The following SPEF2 variants were observed in gnomAD, a reference collection of about 807,000 sequenced individuals.
SPEF2 encodes sperm flagellar and cilia associated 2.
SPEF2 carries 187 observed loss-of-function variants against 224.6 expected under a neutral mutation model. That is an observed-to-expected ratio of 0.83 (90% CI 0.74 to 0.94). The LOEUF is 0.94. SPEF2 is among the 40% of genes least tolerant of loss of function. The pLI, the probability that SPEF2 is intolerant of heterozygous loss-of-function variation, is 0.00. For synonymous variants in SPEF2, 715 were observed against 707.3 expected (o/e 1.01, Z -0.17); for missense variants, 2,170 against 2,135.6 (o/e 1.02, Z -0.32).
chr5:35,770,858 T>C (rs2149781194), intron 26 of SPEF2, among the ~76,000 whole-genome samples: 1 of 151,004 alleles, frequency 6.6e-6, no homozygotes, highest in African/African-American at 2.5e-5. Context: ...AGGAGGCACT[T>C]GGTGGAATGG....
chr5:35,711,907 A>T (rs989677769), intron 19 of SPEF2, among the ~76,000 whole-genome samples: 3 of 152,186 alleles, frequency 2.0e-5, no homozygotes, highest in Non-Finnish European at 4.4e-5. Flanking sequence ...GGAGAAAACT[A>T]TAGCCCAGGA....
At chr5:35,646,604 A>G (rs1161936060) in intron 4 of SPEF2, 63 bp from the exon 5 acceptor site, 2 of 1,469,442 alleles carry the variant, frequency 1.4e-6, no homozygotes, top group Non-Finnish European at 1.9e-6. Flanking sequence ...TGTACCTATG[A>G]GTGTATTATA....
At position 35,787,787 on chromosome 5, in the gene SPEF2, A is replaced by G. The variant is rs180805611; in HGVS notation, c.4448-4553A>G. 1.9e-3 allele frequency: 986 copies of G among 528,068 alleles called. 5 individuals are homozygous for G. Among genetic ancestry groups the G allele is most frequent in the African/African-American group, 0.017 (895 of 52,976 alleles). The allele number at this position is 528,068 out of a possible 1,614,324, so 32.7% of individuals were successfully genotyped here. ...AAATTTTTCAAAAACTAGTGAGCAA[A>G]TGTAGGGGTCAGAGATTAAGCAAAA... On this transcript the variant is annotated intron_variant, in intron 30 of 36. Coordinates refer to ENST00000356031, the MANE Select transcript of SPEF2 (RefSeq NM_024867.4).
intron 16 of SPEF2, chr5:35,702,374 G>A (rs1019076856): frequency 2.6e-5 from 12 of 453,476 alleles, no homozygotes; most frequent in Non-Finnish European, 4.9e-5. Context: ...TGTAAGGAGG[G>A]GGAATGGCCA....
At chr5:35,707,940 T>C (rs529547416) in intron 18 of SPEF2, among the ~76,000 whole-genome samples, 36 of 152,256 alleles carry the variant, frequency 2.4e-4, no homozygotes, top group African/African-American at 7.0e-4. Context: ...TTTTTTTCCA[T>C]AGCACTTATC....
At chr5:35,694,701 G>A (rs1755042032) in intron 13 of SPEF2, among the ~76,000 whole-genome samples, 1 of 152,162 alleles carries the variant, frequency 6.6e-6, no homozygotes, top group South Asian at 2.1e-4. Flanking sequence ...GTGTAAGACT[G>A]GGTATATGAG....
chr5:35,793,005 T>C (rs1395427124), intron 31 of SPEF2, among the ~76,000 whole-genome samples, 154 bp from the exon 32 acceptor site: 2 of 152,174 alleles, frequency 1.3e-5, no homozygotes, highest in Non-Finnish European at 2.9e-5. Context: ...GGATGGTTGG[T>C]AGAATAAAGG....
At chr5:35,754,057 A>G (rs903662368) in intron 24 of SPEF2, among the ~76,000 whole-genome samples, 6 of 152,306 alleles carry the variant, frequency 3.9e-5, no homozygotes, top group Admixed American at 6.5e-5. Context: ...CAACTGAGTT[A>G]TCTCACCAGA....
rs1407497907 is a variant in SPEF2, at chr5:35,668,672, G to C, written c.1356-1387G>C. Among the ~76,000 whole-genome samples, 5 of 152,120 alleles carry C rather than the reference G, an allele frequency of 3.3e-5. No individual in the cohort carries two copies. The East Asian group carries it at 9.7e-4, about 29-fold the overall frequency. ...AGGAGACACTGGGTAAAGGGTATAT[G>C]GATCTCCATATTTTAAAAATGTTCC... On this transcript the variant is annotated intron_variant, in intron 9 of 36. Transcript: ENST00000356031.
chr5:35,708,130 G>T (rs892259361), intron 18 of SPEF2, among the ~76,000 whole-genome samples: 1 of 152,032 alleles, frequency 6.6e-6, no homozygotes, highest in African/African-American at 2.4e-5. Flanking sequence ...AATAGTAGTA[G>T]TTTTACTTTA....
At position 35,709,799 on chromosome 5, in the gene SPEF2, A is replaced by G. The variant is rs1210696996; in HGVS notation, c.2839+678A>G. The G allele has an allele frequency of 5.1e-6, 5 of 985,228 alleles. No individual in the cohort carries two copies. In the East Asian group the frequency reaches 5.7e-4, roughly 112 times the overall value. The allele number at this position is 985,228 out of a possible 1,614,324, so 61.0% of individuals were successfully genotyped here. A position where few individuals can be genotyped will look rare whatever the true frequency, so the allele number is the denominator to read the frequency against. On this transcript the variant is annotated intron_variant, in intron 19 of 36. Transcript: ENST00000356031. ...AAGTGCTTAATTGTTGTAATGCATG[A>G]TATTGGTAGAGTGTCAGTATCCATT...
chr5:35,801,316 G>A (rs540016566), intron 34 of SPEF2, among the ~76,000 whole-genome samples: 1 of 152,270 alleles, frequency 6.6e-6, no homozygotes, highest in African/African-American at 2.4e-5. Flanking sequence ...AGGAGTTCTA[G>A]ACCAGCCTGA....
chr5:35,700,637 G>A lies in SPEF2; in HGVS notation c.2283G>A (p.Leu761=), dbSNP rs1342839573. ...GAAAAAAAGCACAAAAATCCACATT[G>A]GCTATTGATCCTGCGACTTCCAAAG... ...VERKKAQKST[L]AIDPATSKEI... The change falls in exon 16 of 37, where the codon TTG becomes TTA. Residue 761 remains leucine (L), a synonymous_variant. Coordinates refer to ENST00000356031, the MANE Select transcript of SPEF2 (RefSeq NM_024867.4). The A allele has an allele frequency of 6.2e-7, 1 of 1,613,784 alleles. No homozygotes were observed. Among genetic ancestry groups the A allele is most frequent in the Non-Finnish European group, 8.5e-7 (1 of 1,179,948 alleles).
At chr5:35,664,852 G>A (rs1406977174) in intron 8 of SPEF2, among the ~76,000 whole-genome samples, 3 of 110,928 alleles carry the variant, frequency 2.7e-5, no homozygotes, top group African/African-American at 6.8e-5. Context: ...GAGAGAAAAC[G>A]AGGGAGGAGA....
chr5:35,794,950 C>T lies in SPEF2; in HGVS notation c.4738-753C>T, dbSNP rs182587547. Among the ~76,000 whole-genome samples, 9 of 152,166 alleles carry T rather than the reference C, an allele frequency of 5.9e-5. No homozygotes were observed. In the East Asian group the frequency reaches 1.7e-3, roughly 29 times the overall value. On this transcript the variant is annotated intron_variant, in intron 32 of 36. Transcript: ENST00000356031. Reference sequence around the variant, plus strand: ...CCTCTGAAACCCCCATTTGAAAAGGCCCACTTGACCAGCCTGCATGCCTTT... The same window carrying T: ...CCTCTGAAACCCCCATTTGAAAAGGTCCACTTGACCAGCCTGCATGCCTTT...
intron 19 of SPEF2, chr5:35,710,219 CA>C: frequency 1.0e-6 from 1 of 984,792 alleles, no homozygotes. Context: ...AAAAACAATT[CA>C]GAGGTCTGGA....
chr5:35,733,263 C>G (rs988278129), intron 21 of SPEF2, among the ~76,000 whole-genome samples: 14 of 152,024 alleles, frequency 9.2e-5, no homozygotes, highest in African/African-American at 3.4e-4. Flanking sequence ...TACAGGCGCC[C>G]GCCACCACGC....
chr5:35,753,822 T>C lies in SPEF2; in HGVS notation c.3468+61T>C, dbSNP rs62353693. On this transcript the variant is annotated intron_variant, in intron 24 of 36. Coordinates refer to ENST00000356031, the MANE Select transcript of SPEF2 (RefSeq NM_024867.4). ...CCTTCACAGCCTCATTCCTCAGTCCTTCATATGACACTTTCTTGGGAATAT... is the reference window on the plus strand; with the variant it reads ...CCTTCACAGCCTCATTCCTCAGTCCCTCATATGACACTTTCTTGGGAATAT... The C allele has an allele frequency of 0.083, 132,780 of 1,597,522 alleles. 6,228 individuals are homozygous for C. The highest frequency in any genetic ancestry group is 0.096 in the Non-Finnish European group (111,964 of 1,167,354).
chr5:35,729,526 A>G lies in SPEF2; in HGVS notation c.3063+1703A>G, dbSNP rs536808242. Among the ~76,000 whole-genome samples, 65 of 152,278 alleles carry G rather than the reference A, an allele frequency of 4.3e-4. 1 individual carries two copies. Among genetic ancestry groups the G allele is most frequent in the African/African-American group, 1.4e-3 (58 of 41,570 alleles). On this transcript the variant is annotated intron_variant, in intron 21 of 36. Coordinates refer to ENST00000356031, the MANE Select transcript of SPEF2 (RefSeq NM_024867.4). Reference sequence around the variant, plus strand: ...ATGAAGGAAACTGGTGTGAAGGGACATGGAAGATGTGCAACACAGACCTCT... The same window carrying G: ...ATGAAGGAAACTGGTGTGAAGGGACGTGGAAGATGTGCAACACAGACCTCT...
Sources: allele counts gnomAD v4.1 joint callset (sites outside exome capture counted in the v4.1 genomes callset), GRCh38; gene constraint gnomAD v4.1.1; transcripts MANE v1.5; gene names NCBI Gene and HGNC (gene_info 2026-07-23, HGNC 2026-07-21).